The following ERG variants were observed in gnomAD, a reference collection of about 807,000 sequenced individuals.
ERG encodes the protein transcriptional regulator ERG.
ERG carries 9 observed loss-of-function variants against 55.3 expected under a neutral mutation model. That is an observed-to-expected ratio of 0.16 (90% confidence interval 0.10 to 0.28). The LOEUF (loss-of-function observed/expected upper bound fraction) is 0.28. Among genes scored for constraint, ERG ranks in the 10% least tolerant of loss-of-function variants. The pLI, the probability that ERG is intolerant of heterozygous loss-of-function variation, is 1.00. For synonymous variants in ERG, 223 were observed against 237.3 expected, an observed-to-expected ratio of 0.94 and a Z score of 0.55; for missense variants, 434 against 631.6, an observed-to-expected ratio of 0.69 and a Z score of 3.35.
At chr21:38,554,187 T>G (rs943821566) in intron 2 of ERG, among the ~76,000 whole-genome samples, 4 of 152,036 alleles carry the variant, frequency 2.6e-5, no homozygotes, top group Non-Finnish European at 4.4e-5. Context: ...ATAACACATG[T>G]TGGTGAGGCT....
chr21:38,640,622 T>C (rs1209467583), intron 1 of ERG, among the ~76,000 whole-genome samples: 3 of 152,176 alleles, frequency 2.0e-5, no homozygotes, highest in Non-Finnish European at 4.4e-5. Flanking sequence ...CCTGCCGCCA[T>C]GTAAGATGTG....
intron 6 of ERG, among the ~76,000 whole-genome samples, chr21:38,399,529 A>G (rs748917460): frequency 3.3e-5 from 5 of 152,254 alleles, no homozygotes; most frequent in Non-Finnish European, 7.3e-5. Flanking sequence ...ACACAATGTC[A>G]TCAGCTGTGA....
chr21:38,559,096 A>C lies in ERG; in HGVS notation c.-41+16566T>G, dbSNP rs3787919. Reference sequence around the variant, plus strand: ...TACCCCACAATGAAAGCAAAAGAGCACCCAGCATTGAAGCCACAGACCTTG... The same window carrying C: ...TACCCCACAATGAAAGCAAAAGAGCCCCCAGCATTGAAGCCACAGACCTTG... On this transcript the variant is annotated intron_variant, in intron 2 of 8. Coordinates refer to the ERG transcript ENST00000398897. 0.011 allele frequency among the ~76,000 whole-genome samples: 1,607 copies of C among 152,270 alleles called. 52 individuals carry two copies. In the East Asian group the frequency reaches 0.12, roughly 11 times the overall value.
rs936748183 is a variant in ERG, at chr21:38,397,119, T to C, written c.745+3455A>G. Reference sequence around the variant, plus strand: ...GGAAAAGGGATGAGGTTTGGACAAATGGCAGGTAGTGGTGGTGGCAGGGCA... The same window carrying C: ...GGAAAAGGGATGAGGTTTGGACAAACGGCAGGTAGTGGTGGTGGCAGGGCA... On this transcript the variant is annotated intron_variant, in intron 6 of 9. Coordinates refer to ENST00000288319, the MANE Select transcript of ERG (RefSeq NM_182918.4). Among the ~76,000 whole-genome samples, 17 of 152,096 alleles carry C rather than the reference T, an allele frequency of 1.1e-4. 1 individual carries two copies. The highest frequency in any genetic ancestry group is 1.1e-3 in the Admixed American group (17 of 15,280).
intron 2 of ERG, 71 bp from the exon 3 acceptor site, chr21:38,423,632 A>G: frequency 1.4e-6 from 2 of 1,472,032 alleles, no homozygotes; most frequent in Admixed American, 3.8e-5. Flanking sequence ...TTCTCACAAT[A>G]CACAGAGAGA....
intron 1 of ERG, among the ~76,000 whole-genome samples, chr21:38,627,183 C>T (rs2060330098): frequency 6.6e-6 from 1 of 151,930 alleles, no homozygotes. Context: ...AAATGAATGT[C>T]TTAAGGCTTC....
At chr21:38,592,665 G>A (rs1368488147) in intron 1 of ERG, among the ~76,000 whole-genome samples, 2 of 151,316 alleles carry the variant, frequency 1.3e-5, no homozygotes, top group East Asian at 3.9e-4. Flanking sequence ...ACTCAGTAAG[G>A]CAATCCTTAG....
In ERG at chr21:38,522,687, G is replaced by A. The variant is rs151250342; in HGVS notation, c.-41+52975C>T. Among the ~76,000 whole-genome samples, 857 of 152,204 alleles carry A rather than the reference G, an allele frequency of 5.6e-3. 4 individuals carry two copies. Among genetic ancestry groups the A allele is most frequent in the African/African-American group, 0.019 (800 of 41,526 alleles). On this transcript the variant is annotated intron_variant, in intron 2 of 8. Coordinates refer to the ERG transcript ENST00000398897. ...GTTCCTATGACAGTATGAAAGTTTG[G>A]TTCAAAATATTTCCAAGGTATTTAA...
chr21:38,555,252 G>A lies in ERG; in HGVS notation c.-41+20410C>T, dbSNP rs574838650. 8.6e-5 allele frequency among the ~76,000 whole-genome samples: 13 copies of A among 151,988 alleles called. 1 individual carries two copies. The South Asian group carries it at 2.5e-3, about 29-fold the overall frequency. On this transcript the variant is annotated intron_variant, in intron 2 of 8. Transcript: ENST00000398897. ...TGAGGCAGGAGAATTGCTTGAGCCC[G>A]GGAGACGGAGGCTGCAGTGAGCTGA... is the stretch of plus-strand genomic sequence containing the variant.
intron 2 of ERG, among the ~76,000 whole-genome samples, chr21:38,573,591 T>G (rs556565528): frequency 1.3e-5 from 2 of 152,328 alleles, no homozygotes; most frequent in Non-Finnish European, 1.5e-5. Context: ...CCCTTGAACT[T>G]AATTATGACA....
intron 1 of ERG, among the ~76,000 whole-genome samples, chr21:38,468,201 G>T (rs1342526010): frequency 1.3e-5 from 2 of 152,104 alleles, no homozygotes; most frequent in African/African-American, 2.4e-5. Context: ...TCCCCACCCG[G>T]CAGGTCAGCT....
chr21:38,371,901 A>C, the ERG span, among the ~76,000 whole-genome samples: 1 of 151,926 alleles, frequency 6.6e-6, no homozygotes, highest in African/African-American at 2.4e-5. Context: ...TCTTTTTTAT[A>C]TTCTCCACCA....
At chr21:38,599,523 C>T (rs1313393376) in intron 1 of ERG, among the ~76,000 whole-genome samples, 2 of 152,200 alleles carry the variant, frequency 1.3e-5, no homozygotes, top group Non-Finnish European at 2.9e-5. Flanking sequence ...GTTGTCCTGT[C>T]TTCCTGCTCC....
At chr21:38,430,111 C>T (rs1990137344) in intron 2 of ERG, among the ~76,000 whole-genome samples, 1 of 151,910 alleles carries the variant, frequency 6.6e-6, no homozygotes, top group East Asian at 1.9e-4. Flanking sequence ...GATGGCCATT[C>T]TTGCAGGAGT....
At chr21:38,411,563 C>T (rs1989050900) in intron 3 of ERG, among the ~76,000 whole-genome samples, 1 of 152,240 alleles carries the variant, frequency 6.6e-6, no homozygotes, top group African/African-American at 2.4e-5. Flanking sequence ...CCACCTCGGC[C>T]TCCCAAAGTG....
intron 1 of ERG, among the ~76,000 whole-genome samples, chr21:38,608,220 G>T (rs906872842): frequency 7.9e-5 from 12 of 152,062 alleles, no homozygotes; most frequent in African/African-American, 2.9e-4. Flanking sequence ...TAAATAAACA[G>T]AAAAGTTTAA....
downstream of ERG, among the ~76,000 whole-genome samples, chr21:38,376,076 T>C (rs187992399): frequency 6.6e-6 from 1 of 152,340 alleles, no homozygotes; most frequent in East Asian, 1.9e-4. Context: ...CTATAGACCC[T>C]CTGTTAGTAT....
At chr21:38,395,431 T>C (rs1433353662) in intron 6 of ERG, 1 of 219,670 alleles carries the variant, frequency 4.6e-6, no homozygotes, top group Non-Finnish European at 9.1e-6. Flanking sequence ...GAATATATTT[T>C]ACATTTAATT....
intron 1 of ERG, among the ~76,000 whole-genome samples, chr21:38,583,007 T>C (rs1457415844): frequency 6.6e-6 from 1 of 152,240 alleles, no homozygotes; most frequent in Non-Finnish European, 1.5e-5. Flanking sequence ...AAAACATCCT[T>C]AATTTAGAAA....
Sources: allele counts gnomAD v4.1 joint callset (sites outside exome capture counted in the v4.1 genomes callset), GRCh38; gene constraint gnomAD v4.1.1; transcripts MANE v1.5; gene names NCBI Gene and HGNC (gene_info 2026-07-23, HGNC 2026-07-21).